TAFA4: variants seen among roughly 807,000 people sequenced by gnomAD.
The protein encoded by TAFA4 is TAFA chemokine like family member 4, also known as chemokine-like protein TAFA-4.
TAFA4 carries 20 observed loss-of-function variants against 21.1 expected under a neutral mutation model. The observed-to-expected ratio is 0.95, with a 90% CI of 0.67 to 1.38. The LOEUF (loss-of-function observed/expected upper bound fraction) is 1.38. Among genes scored for constraint, TAFA4 ranks in the 40% most tolerant of loss-of-function variants. The pLI, the probability that TAFA4 is intolerant of heterozygous loss-of-function variation, is 0.00. For missense variants in TAFA4, 211 were observed against 180.9 expected, an observed-to-expected ratio of 1.17 and a Z score of -0.95; for synonymous variants, 71 against 67.4, an observed-to-expected ratio of 1.05 and a Z score of -0.26.
intron 3 of TAFA4, among the ~76,000 whole-genome samples, chr3:68,793,076 GC>G (rs1703392850): frequency 6.6e-6 from 1 of 151,918 alleles, no homozygotes; most frequent in African/African-American, 2.4e-5. Flanking sequence ...TCTTGAGTTC[GC>G]AAAGCATCTC....
In TAFA4 at chr3:68,785,461, G is replaced by A. The variant is rs561759199; in HGVS notation, c.131-32443C>T. Among the ~76,000 whole-genome samples the A allele has an allele frequency of 7.0e-4, 107 of 152,344 alleles. 1 individual carries two copies. In the South Asian group the frequency reaches 0.016, roughly 22 times the overall value. ...GGCTGCGGGTCCCAAGCCCTGCCCC[G>A]CGCGGGAAGGCAGCTAAGGCCCGGC... On this transcript the variant is annotated intron_variant, in intron 3 of 5. Coordinates refer to ENST00000295569, the MANE Select transcript of TAFA4 (RefSeq NM_182522.5).
At chr3:68,739,631 A>C (rs1461554658) in intron 4 of TAFA4, among the ~76,000 whole-genome samples, 2 of 152,230 alleles carry the variant, frequency 1.3e-5, no homozygotes, top group African/African-American at 4.8e-5. Flanking sequence ...ACATGTGTCC[A>C]TCAATGGAGG....
intron 4 of TAFA4, among the ~76,000 whole-genome samples, chr3:68,747,358 G>A (rs1471706393): frequency 1.3e-4 from 20 of 152,152 alleles, no homozygotes; most frequent in African/African-American, 4.1e-4. Flanking sequence ...AGGACCTGGT[G>A]CAAGGTATTT....
At chr3:68,826,005 C>A (rs1027663258) in intron 3 of TAFA4, among the ~76,000 whole-genome samples, 3 of 152,152 alleles carry the variant, frequency 2.0e-5, no homozygotes, top group Non-Finnish European at 2.9e-5. Context: ...ACCCTCACAA[C>A]AAGCAAGGAT....
chr3:68,913,499 A>C (rs2089978647), intron 1 of TAFA4: 1 of 152,194 alleles, frequency 6.6e-6, no homozygotes, highest in African/African-American at 2.4e-5. Context: ...GCCCAAGAAG[A>C]AGCGGAAAGA....
chr3:68,795,001 T>TACACACAC (rs3048125), intron 3 of TAFA4, among the ~76,000 whole-genome samples: 11,851 of 143,942 alleles, frequency 0.082, 621 homozygotes, highest in African/African-American at 0.15. Context: ...TGTGTCTCAA[T>TACACACAC]ACACACACAC....
intron 3 of TAFA4, among the ~76,000 whole-genome samples, chr3:68,874,584 A>C (rs558718333): frequency 3.3e-5 from 5 of 152,290 alleles, no homozygotes; most frequent in African/African-American, 1.2e-4. Context: ...TGAAAGAAGA[A>C]AAAGGGAAAT....
chr3:68,879,538 T>A (rs2089592126), intron 3 of TAFA4, among the ~76,000 whole-genome samples: 1 of 152,066 alleles, frequency 6.6e-6, no homozygotes, highest in East Asian at 1.9e-4. Context: ...GTGAACAAAC[T>A]CATAAAAATA....
chr3:68,828,072 AG>A (rs1450460013), intron 3 of TAFA4, among the ~76,000 whole-genome samples: 1 of 152,192 alleles, frequency 6.6e-6, no homozygotes, highest in Non-Finnish European at 1.5e-5. Flanking sequence ...GATGTAAGAA[AG>A]GGATAGTTTC....
chr3:68,771,373 C>T (rs967880374), intron 3 of TAFA4, among the ~76,000 whole-genome samples: 1 of 151,726 alleles, frequency 6.6e-6, no homozygotes, highest in Non-Finnish European at 1.5e-5. Context: ...AGACATGACA[C>T]CCCTAGACAC....
intron 3 of TAFA4, among the ~76,000 whole-genome samples, chr3:68,782,500 A>G (rs1250805702): frequency 6.6e-6 from 1 of 152,266 alleles, no homozygotes; most frequent in African/African-American, 2.4e-5. Flanking sequence ...ACGTCTATCA[A>G]TGGATGAATG....
chr3:68,759,953 C>T (rs1429498796), intron 3 of TAFA4, among the ~76,000 whole-genome samples: 1 of 152,080 alleles, frequency 6.6e-6, no homozygotes, highest in African/African-American at 2.4e-5. Flanking sequence ...ATACTATGTG[C>T]CAGAGACTGT....
intron 3 of TAFA4, among the ~76,000 whole-genome samples, chr3:68,866,232 C>T (rs1310322396): frequency 6.6e-6 from 1 of 152,084 alleles, no homozygotes; most frequent in Non-Finnish European, 1.5e-5. Flanking sequence ...TTCCACAGTT[C>T]TTCTGGGCAT....
chr3:68,904,066 A>G (rs1575665936), intron 1 of TAFA4, among the ~76,000 whole-genome samples: 1 of 1,824 alleles, frequency 5.5e-4, no homozygotes, highest in Non-Finnish European at 1.7e-3. Flanking sequence ...TTAGAAAGTT[A>G]AAAAAAAAAA....
intron 1 of TAFA4, among the ~76,000 whole-genome samples, chr3:68,902,977 G>A (rs1470073638): frequency 6.6e-6 from 1 of 150,976 alleles, no homozygotes; most frequent in Non-Finnish European, 1.5e-5. Context: ...CCAATCAATG[G>A]CCATTTCTAT....
At chr3:68,863,468 A>G (rs1293384263) in intron 3 of TAFA4, among the ~76,000 whole-genome samples, 6 of 152,260 alleles carry the variant, frequency 3.9e-5, no homozygotes, top group Non-Finnish European at 8.8e-5. Flanking sequence ...AATCCAGTCA[A>G]TTATTCATCC....
intron 3 of TAFA4, among the ~76,000 whole-genome samples, chr3:68,804,448 A>G (rs1194896417): frequency 6.6e-6 from 1 of 152,166 alleles, no homozygotes; most frequent in Non-Finnish European, 1.5e-5. Context: ...GGAAAAAACT[A>G]CTTTAAAGTT....
At chr3:68,924,464 T>C (rs2090088654) in intron 1 of TAFA4, among the ~76,000 whole-genome samples, 1 of 152,122 alleles carries the variant, frequency 6.6e-6, no homozygotes. Flanking sequence ...AAGGTGGCTG[T>C]CAGGAACTAG....
intron 1 of TAFA4, among the ~76,000 whole-genome samples, chr3:68,901,962 T>C (rs1008758645): frequency 6.6e-6 from 1 of 152,218 alleles, no homozygotes; most frequent in South Asian, 2.1e-4. Flanking sequence ...AAATGAGGCA[T>C]GGTATAGTGA....
Sources: gnomAD v4.1 joint callset for allele counts (sites outside exome capture counted in the v4.1 genomes callset) on GRCh38, gnomAD v4.1.1 for gene constraint, MANE v1.5 for transcripts, NCBI Gene and HGNC (gene_info 2026-07-23, HGNC 2026-07-21) for gene names.